PDE11A: variants seen among roughly 807,000 people sequenced by gnomAD.
The protein encoded by PDE11A is phosphodiesterase 11A.
A neutral mutation model predicts 100.5 loss-of-function variants in PDE11A; 100 were observed. That is an observed-to-expected ratio of 1.00 (90% CI 0.85 to 1.18). The LOEUF (loss-of-function observed/expected upper bound fraction) is 1.18. Among genes scored for constraint, PDE11A ranks in the 50% most tolerant of loss-of-function variants. The probability of loss-of-function intolerance (pLI) is 0.00; values close to 1 mark genes in which losing one functional copy is unlikely to be tolerated. For missense variants in PDE11A, 1,141 were observed against 1,152.6 expected, an observed-to-expected ratio of 0.99 and a Z score of 0.15; for synonymous variants, 381 against 420.8, an observed-to-expected ratio of 0.91 and a Z score of 1.16.
At chr2:177,928,694 TA>T in intron 2 of PDE11A, among the ~76,000 whole-genome samples, 1 of 152,150 alleles carries the variant, frequency 6.6e-6, no homozygotes, top group South Asian at 2.1e-4. Flanking sequence ...GAGGACTGCT[TA>T]AAAAAATTCT....
chr2:177,840,471 A>G, intron 5 of PDE11A, 88 bp from the exon 6 acceptor site: 3 of 1,146,916 alleles, frequency 2.6e-6, no homozygotes, highest in Non-Finnish European at 3.9e-6. Context: ...TAATATCAGG[A>G]TAATCTGTCC....
At chr2:177,964,567 G>A (rs894960259) in intron 2 of PDE11A, among the ~76,000 whole-genome samples, 2 of 152,042 alleles carry the variant, frequency 1.3e-5, no homozygotes, top group Admixed American at 6.6e-5. Flanking sequence ...AGGCTCTAGC[G>A]TCTATTGTTC....
intron 2 of PDE11A, among the ~76,000 whole-genome samples, chr2:177,972,969 A>T (rs563866537): frequency 5.3e-5 from 8 of 152,340 alleles, no homozygotes; most frequent in African/African-American, 1.7e-4. Flanking sequence ...AGATAGGGCC[A>T]GAGTGGATAA....
chr2:177,841,243 C>A (rs1186307504), intron 5 of PDE11A, among the ~76,000 whole-genome samples: 1 of 152,106 alleles, frequency 6.6e-6, no homozygotes, highest in East Asian at 1.9e-4. Context: ...CTGCCAGGAG[C>A]CGTGGAGATA....
intron 5 of PDE11A, among the ~76,000 whole-genome samples, chr2:177,853,672 ATATATATATGTGTG>A (rs1412570959): frequency 2.9e-5 from 1 of 34,198 alleles, no homozygotes; most frequent in Non-Finnish European, 5.8e-5. Flanking sequence ...ATATATATAT[ATATATATATGTGTG>A]TGTGTGTGTG....
intron 10 of PDE11A, among the ~76,000 whole-genome samples, chr2:177,754,993 G>A (rs1279168175): frequency 2.0e-5 from 3 of 152,210 alleles, no homozygotes; most frequent in Non-Finnish European, 4.4e-5. Flanking sequence ...ATAAATTCAT[G>A]AAGAAATGAC....
chr2:177,912,840 T>A (rs1412274141), intron 2 of PDE11A, among the ~76,000 whole-genome samples: 1 of 152,208 alleles, frequency 6.6e-6, no homozygotes, highest in Non-Finnish European at 1.5e-5. Context: ...TTTTTTCACT[T>A]TTTATAACTA....
At chr2:178,051,954 C>A (rs1479370806) in intron 1 of PDE11A, among the ~76,000 whole-genome samples, 1 of 151,992 alleles carries the variant, frequency 6.6e-6, no homozygotes, top group Non-Finnish European at 1.5e-5. Flanking sequence ...GACAGATCAA[C>A]GAGACAGAAA....
chr2:178,077,256 CTTTCTTTTTTTTTTT>C (rs2087219080), upstream of PDE11A, among the ~76,000 whole-genome samples: 1 of 66,302 alleles, frequency 1.5e-5, no homozygotes. Flanking sequence ...TCTTTTCTTT[CTTTCTTTTTTTTTTT>C]TTTTTTTTTT....
intron 1 of PDE11A, among the ~76,000 whole-genome samples, chr2:178,055,991 T>C (rs9653239): frequency 0.033 from 4,941 of 152,014 alleles, 280 homozygotes; most frequent in African/African-American, 0.11. Flanking sequence ...ATAATGAAGA[T>C]GCAGATATTA....
intron 9 of PDE11A, among the ~76,000 whole-genome samples, chr2:177,794,726 C>T (rs1012722288): frequency 1.3e-5 from 2 of 152,210 alleles, no homozygotes; most frequent in South Asian, 4.2e-4. Flanking sequence ...CCAACACACC[C>T]GACAAACGAA....
chr2:177,759,173 G>GCACGCA (rs753419425), intron 10 of PDE11A, among the ~76,000 whole-genome samples: 1 of 147,424 alleles, frequency 6.8e-6, no homozygotes, highest in African/African-American at 2.5e-5. Flanking sequence ...TGGAGCACGT[G>GCACGCA]CACACACACA....
In PDE11A at chr2:177,730,163, G is replaced by A. The variant is rs538825066; in HGVS notation, c.1789-1991C>T. Among the ~76,000 whole-genome samples, 5 of 152,188 alleles carry A rather than the reference G, an allele frequency of 3.3e-5. No homozygotes were observed. In the South Asian group the frequency reaches 1.0e-3, roughly 32 times the overall value. On this transcript the variant is annotated intron_variant, in intron 10 of 19. Coordinates refer to ENST00000286063, the MANE Select transcript of PDE11A (RefSeq NM_016953.4). ...ACACATGTATACATGTGCCACGTTG[G>A]TGTGTTGCACCCATTAACTCGTCAT...
At chr2:177,873,510 T>G (rs1187276707) in intron 5 of PDE11A, among the ~76,000 whole-genome samples, 1 of 152,216 alleles carries the variant, frequency 6.6e-6, no homozygotes, top group Non-Finnish European at 1.5e-5. Flanking sequence ...GACCTCTTTT[T>G]CCCATTTCAA....
At chr2:178,008,556 A>G (rs1179059260) in intron 2 of PDE11A, among the ~76,000 whole-genome samples, 1 of 152,162 alleles carries the variant, frequency 6.6e-6, no homozygotes, top group Admixed American at 6.6e-5. Context: ...GTAAACTTAA[A>G]TACCTTGTGC....
intron 5 of PDE11A, among the ~76,000 whole-genome samples, chr2:177,854,612 C>G (rs1448173441): frequency 6.6e-6 from 1 of 152,044 alleles, no homozygotes; most frequent in African/African-American, 2.4e-5. Flanking sequence ...TAGGTCAAGC[C>G]TATAGTGTTT....
intron 1 of PDE11A, among the ~76,000 whole-genome samples, chr2:178,050,084 C>G (rs1430008112): frequency 6.6e-6 from 1 of 152,178 alleles, no homozygotes; most frequent in East Asian, 1.9e-4. Context: ...AGTAGCCTAA[C>G]TGGGAGGCGC....
At chr2:178,100,407 C>T (rs1164070985) in intron 2 of PDE11A, among the ~76,000 whole-genome samples, 1 of 152,094 alleles carries the variant, frequency 6.6e-6, no homozygotes, top group Non-Finnish European at 1.5e-5. Context: ...ACAGAAAGGT[C>T]ATACACAAAA....
intron 1 of PDE11A, among the ~76,000 whole-genome samples, chr2:178,040,438 C>T (rs1420724381): frequency 6.6e-6 from 1 of 152,070 alleles, no homozygotes; most frequent in Non-Finnish European, 1.5e-5. Flanking sequence ...TTTTATTCTT[C>T]CATTTGAATA....
Sources: allele counts gnomAD v4.1 joint callset (sites outside exome capture counted in the v4.1 genomes callset), GRCh38; gene constraint gnomAD v4.1.1; transcripts MANE v1.5; gene names NCBI Gene and HGNC (gene_info 2026-07-23, HGNC 2026-07-21).